IHO1: variants seen among roughly 807,000 people sequenced by gnomAD.
The protein encoded by IHO1 is interactor of HORMAD1 protein 1.
IHO1 carries 13 observed loss-of-function variants against 31.0 expected under a neutral mutation model. That is an observed-to-expected ratio of 0.42 (90% CI 0.27 to 0.67). IHO1 has a LOEUF of 0.67. IHO1 is among the 30% of genes least tolerant of loss of function. IHO1 has a pLI of 0.24. For missense variants in IHO1, 599 were observed against 687.5 expected, an observed-to-expected ratio of 0.87 and a Z score of 1.44; for synonymous variants, 221 against 248.4, an observed-to-expected ratio of 0.89 and a Z score of 1.04.
At chr3:49,232,431 G>A (rs916788530) in intron 2 of IHO1, among the ~76,000 whole-genome samples, 1 of 152,232 alleles carries the variant, frequency 6.6e-6, no homozygotes. Flanking sequence ...AACTGGTTTG[G>A]TGGAGAGATC....
intron 2 of IHO1, among the ~76,000 whole-genome samples, chr3:49,234,794 TG>T (rs1201680019): frequency 1.3e-5 from 2 of 152,202 alleles, no homozygotes; most frequent in Non-Finnish European, 2.9e-5. Flanking sequence ...CATAATTGTT[TG>T]GTGTGTATAA....
intron 2 of IHO1, among the ~76,000 whole-genome samples, chr3:49,235,746 A>G (rs2046551847): frequency 6.6e-6 from 1 of 151,400 alleles, no homozygotes; most frequent in Admixed American, 6.6e-5. Flanking sequence ...CCTGGCCAAC[A>G]TGGTGAAACC....
chr3:49,246,877 G>A (rs1195023470), intron 6 of IHO1, among the ~76,000 whole-genome samples: 2 of 146,480 alleles, frequency 1.4e-5, no homozygotes, highest in African/African-American at 5.1e-5. Flanking sequence ...TTTTTGAGAC[G>A]AACTCTCACT....
In IHO1 at chr3:49,211,960, G is replaced by A. The variant is rs1436528493; in HGVS notation, c.56+124G>A. 166 of 578,046 alleles carry A rather than the reference G, an allele frequency of 2.9e-4. 1 individual carries two copies. In the Middle Eastern group the frequency reaches 3.5e-3, roughly 12 times the overall value. 35.8% of individuals were successfully genotyped at this position (578,046 alleles called of 1,614,324 possible). ...GGCAGATCACAAGATCAGGAGATCAGGACCATCCTGGCTAACACGGTGAAA... is the reference window on the plus strand; with the variant it reads ...GGCAGATCACAAGATCAGGAGATCAAGACCATCCTGGCTAACACGGTGAAA... On this transcript the variant is annotated intron_variant, in intron 2 of 7. Coordinates refer to ENST00000452691, the MANE Select transcript of IHO1 (RefSeq NM_001135197.2).
Position 49,256,913 on chromosome 3 carries a change from T to C in IHO1, c.1416T>C (p.Asn472=), listed in dbSNP as rs1049983668. Residue 472 remains asparagine, a synonymous_variant, in exon 8 of 8, where the codon AAT becomes AAC. Transcript: ENST00000452691. This position sits in a 1 kb window ranked among gnomAD's most constrained non-coding sequence, Gnocchi z 4.6. ...TCCCAATCCAGACCTGTAAATTCAA[T>C]TCCAAATATCAGAGTCCTCAGCCTG... ...KQIPIQTCKF[N]SKYQSPQPAI... 1 of 1,614,050 alleles carries C rather than the reference T, an allele frequency of 6.2e-7. No homozygotes were observed. The highest frequency in any genetic ancestry group is 1.3e-5 in the African/African-American group (1 of 74,934).
intron 3 of IHO1, among the ~76,000 whole-genome samples, chr3:49,236,927 C>G (rs1462551849): frequency 6.6e-6 from 1 of 151,654 alleles, no homozygotes; most frequent in Non-Finnish European, 1.5e-5. Context: ...ACAAAAAGTA[C>G]AAAAATTAGC....
the IHO1 span, chr3:49,191,615 G>T: frequency 2.1e-6 from 2 of 974,518 alleles, no homozygotes; most frequent in Non-Finnish European, 3.3e-6. Context: ...GAGAGGAAGT[G>T]GGCGGCTCAG....
intron 3 of IHO1, 87 bp downstream of exon 3, chr3:49,236,809 C>T (rs2046565172): frequency 1.6e-6 from 2 of 1,259,274 alleles, no homozygotes; most frequent in Non-Finnish European, 2.2e-6. Context: ...TGGCCAGGTG[C>T]AATGGCTGAC....
At chr3:49,227,490 G>A (rs1197461952) in intron 2 of IHO1, among the ~76,000 whole-genome samples, 3 of 152,164 alleles carry the variant, frequency 2.0e-5, no homozygotes, top group Non-Finnish European at 4.4e-5. Flanking sequence ...CGCAGCAGCA[G>A]AAACAGTAGT....
At chr3:49,235,021 A>G (rs2046538596) in intron 2 of IHO1, among the ~76,000 whole-genome samples, 1 of 150,760 alleles carries the variant, frequency 6.6e-6, no homozygotes, top group Non-Finnish European at 1.5e-5. Context: ...TAATTTTTGT[A>G]TTTTTAGTAG....
At chr3:49,221,709 G>A (rs1219932629) in intron 2 of IHO1, among the ~76,000 whole-genome samples, 2 of 152,192 alleles carry the variant, frequency 1.3e-5, no homozygotes, top group African/African-American at 4.8e-5. Flanking sequence ...GCTCATTTGG[G>A]GTTCCATTTG....
chr3:49,214,619 TATA>T (rs2046263371), intron 2 of IHO1, among the ~76,000 whole-genome samples: 1 of 33,082 alleles, frequency 3.0e-5, no homozygotes. Flanking sequence ...TATATATATA[TATA>T]TATATATATA....
chr3:49,238,538 T>C (rs1316493161), intron 3 of IHO1, among the ~76,000 whole-genome samples: 2 of 152,134 alleles, frequency 1.3e-5, no homozygotes, highest in African/African-American at 4.8e-5. Context: ...GGAGGGAATT[T>C]GGTGGCATGA....
At chr3:49,237,220 C>T (rs1559448255) in intron 3 of IHO1, among the ~76,000 whole-genome samples, 1 of 151,846 alleles carries the variant, frequency 6.6e-6, no homozygotes, top group African/African-American at 2.4e-5. Context: ...TGGTGGCAGG[C>T]GCCTGTAATC....
intron 1 of IHO1, among the ~76,000 whole-genome samples, chr3:49,209,581 A>G (rs1323832485): frequency 6.6e-6 from 1 of 151,582 alleles, no homozygotes; most frequent in Non-Finnish European, 1.5e-5. Context: ...GGTTGCAGTT[A>G]GCTAAGATAA....
At chr3:49,243,690 A>G (rs1466279879) in intron 4 of IHO1, among the ~76,000 whole-genome samples, 2 of 147,978 alleles carry the variant, frequency 1.4e-5, no homozygotes, top group Non-Finnish European at 3.0e-5. Flanking sequence ...TCCAGGAGGC[A>G]GAGCTTGCAG....
chr3:49,243,838 T>C (rs1213663145), intron 4 of IHO1, among the ~76,000 whole-genome samples: 1 of 151,566 alleles, frequency 6.6e-6, no homozygotes, highest in Non-Finnish European at 1.5e-5. Context: ...GAAATGAATA[T>C]TTTCATATTA....
the IHO1 span, among the ~76,000 whole-genome samples, chr3:49,193,421 G>A: frequency 2.6e-5 from 4 of 151,358 alleles, no homozygotes; most frequent in African/African-American, 7.3e-5. Flanking sequence ...TGAGTTGGCC[G>A]GGAGCGGTAG....
intron 6 of IHO1, among the ~76,000 whole-genome samples, chr3:49,251,571 G>A (rs2046759732): frequency 6.6e-6 from 1 of 151,556 alleles, no homozygotes; most frequent in Non-Finnish European, 1.5e-5. Flanking sequence ...GGTGTGAGCT[G>A]CTGCGCTCAG....
Sources: allele counts gnomAD v4.1 joint callset (sites outside exome capture counted in the v4.1 genomes callset), GRCh38; gene constraint gnomAD v4.1.1; non-coding constraint Gnocchi (gnomAD v3.1); transcripts MANE v1.5; gene names NCBI Gene and HGNC (gene_info 2026-07-23, HGNC 2026-07-21).